Variants in TBC1D4 observed in about 807,000 individuals in gnomAD.
TBC1D4 encodes TBC1 domain family member 4, also known as TBC (Tre-2, BUB2, CDC16) domain-containing protein.
In TBC1D4, 121 loss-of-function variants were observed where a neutral mutation model predicts 142.5. The observed-to-expected ratio is 0.85, with a 90% CI of 0.73 to 0.99. TBC1D4 has a LOEUF of 0.99. TBC1D4 is among the 50% of genes least tolerant of loss of function. The probability of loss-of-function intolerance (pLI) is 0.00; values close to 1 mark genes in which losing one functional copy is unlikely to be tolerated. For synonymous variants in TBC1D4, 630 were observed against 628.2 expected (o/e 1.00, Z -0.04); for missense variants, 1,475 against 1,606.6 (o/e 0.92, Z 1.40).
At chr13:75,472,106 C>CAAAAA (rs59823952) in intron 1 of TBC1D4, among the ~76,000 whole-genome samples, 1 of 121,958 alleles carries the variant, frequency 8.2e-6, no homozygotes, top group African/African-American at 3.5e-5. Flanking sequence ...GACTCTGTCT[C>CAAAAA]AAAAAAAAAA....
At chr13:75,300,724 A>G (rs1593881359) in intron 16 of TBC1D4, among the ~76,000 whole-genome samples, 1 of 152,302 alleles carries the variant, frequency 6.6e-6, no homozygotes, top group South Asian at 2.1e-4. Context: ...TTCTAGCTCC[A>G]TTTTTGTCTG....
At chr13:75,307,152 G>C (rs957802650) in intron 14 of TBC1D4, among the ~76,000 whole-genome samples, 2 of 151,958 alleles carry the variant, frequency 1.3e-5, no homozygotes, top group African/African-American at 4.8e-5. Flanking sequence ...TGTAAAGATG[G>C]GGTCTTGCTA....
intron 1 of TBC1D4, among the ~76,000 whole-genome samples, chr13:75,383,040 G>A (rs545729731): frequency 9.9e-5 from 15 of 152,218 alleles, no homozygotes; most frequent in South Asian, 4.1e-4. Context: ...GCCTATCTTC[G>A]GTCGAGCACA....
chr13:75,347,642 T>C, intron 5 of TBC1D4, among the ~76,000 whole-genome samples: 1 of 152,206 alleles, frequency 6.6e-6, no homozygotes, highest in East Asian at 1.9e-4. Context: ...GCAGGATGAA[T>C]ATAAGCAATC....
intron 17 of TBC1D4, among the ~76,000 whole-genome samples, chr13:75,296,346 C>A (rs941404345): frequency 3.3e-5 from 5 of 151,804 alleles, no homozygotes; most frequent in African/African-American, 1.2e-4. Flanking sequence ...GCACAAAAAT[C>A]AAAAAAGTCT....
At chr13:75,421,440 G>A (rs1886164065) in intron 1 of TBC1D4, among the ~76,000 whole-genome samples, 1 of 152,152 alleles carries the variant, frequency 6.6e-6, no homozygotes. Flanking sequence ...CCCCTGATGG[G>A]AGAGACTCCT....
intron 1 of TBC1D4, among the ~76,000 whole-genome samples, chr13:75,435,818 G>C (rs952417796): frequency 4.6e-5 from 7 of 152,182 alleles, no homozygotes; most frequent in African/African-American, 1.4e-4. Context: ...ATGGGAAGAA[G>C]ATACAGAAGT....
At chr13:75,332,390 C>G (rs549965745) in intron 8 of TBC1D4, among the ~76,000 whole-genome samples, 4 of 152,154 alleles carry the variant, frequency 2.6e-5, no homozygotes, top group Non-Finnish European at 5.9e-5. Flanking sequence ...AATATAAAAT[C>G]GGCTAGGGCC....
At chr13:75,290,265 T>C (rs760771242) in intron 19 of TBC1D4, among the ~76,000 whole-genome samples, 1 of 152,144 alleles carries the variant, frequency 6.6e-6, no homozygotes, top group Non-Finnish European at 1.5e-5. Context: ...GTTACTTTTA[T>C]TTTCTTGTGA....
chr13:75,300,222 GT>G (rs1876388693), intron 16 of TBC1D4, among the ~76,000 whole-genome samples: 1 of 151,940 alleles, frequency 6.6e-6, no homozygotes, highest in South Asian at 2.1e-4. Context: ...AAAATAAAGG[GT>G]CAAGTCAATT....
chr13:75,333,256 C>G (rs1199860216), intron 8 of TBC1D4, among the ~76,000 whole-genome samples: 1 of 152,214 alleles, frequency 6.6e-6, no homozygotes, highest in Non-Finnish European at 1.5e-5. Flanking sequence ...TACCACCCAA[C>G]CAGTCTTACT....
chr13:75,365,854 G>A (rs2138188827), intron 1 of TBC1D4, among the ~76,000 whole-genome samples: 1 of 152,224 alleles, frequency 6.6e-6, no homozygotes, highest in Admixed American at 6.5e-5. Flanking sequence ...AGCAAACAGA[G>A]TCATATATAT....
At chr13:75,428,809 T>C (rs1293376918) in intron 1 of TBC1D4, among the ~76,000 whole-genome samples, 2 of 152,124 alleles carry the variant, frequency 1.3e-5, no homozygotes, top group Non-Finnish European at 2.9e-5. Flanking sequence ...GTGAAGTAAA[T>C]AGGAGAATGC....
At chr13:75,318,138 A>G (rs1878466275) in intron 12 of TBC1D4, among the ~76,000 whole-genome samples, 1 of 152,248 alleles carries the variant, frequency 6.6e-6, no homozygotes, top group South Asian at 2.1e-4. Flanking sequence ...GAGATGCTCT[A>G]ATGACCACTC....
At position 75,349,316 on chromosome 13, in the gene TBC1D4, C is replaced by A; in HGVS notation, c.1276-14G>T. On this transcript the variant is annotated splice_polypyrimidine_tract_variant and intron_variant, in intron 4 of 20. Transcript: ENST00000377636. The stretch of plus-strand genomic sequence containing the variant: ...TACCTCATCAACCTACAGGAAGAAA[C>A]AAAACTCAGGTCTATAAAAGTTGGC... 1 of 1,613,564 alleles carries A rather than the reference C, an allele frequency of 6.2e-7. No individual in the cohort carries two copies.
intron 1 of TBC1D4, among the ~76,000 whole-genome samples, chr13:75,418,252 G>A (rs1348039498): frequency 6.6e-6 from 1 of 152,138 alleles, no homozygotes; most frequent in South Asian, 2.1e-4. Context: ...AGTATGCCAT[G>A]GTATTTATTC....
chr13:75,323,346 T>C (rs1256317788), intron 11 of TBC1D4, among the ~76,000 whole-genome samples: 2 of 152,064 alleles, frequency 1.3e-5, no homozygotes, highest in Non-Finnish European at 2.9e-5. Context: ...TAAGTCAAGC[T>C]ATACACAAAA....
chr13:75,431,269 C>G (rs778888381), intron 1 of TBC1D4, among the ~76,000 whole-genome samples: 1 of 152,158 alleles, frequency 6.6e-6, no homozygotes, highest in Non-Finnish European at 1.5e-5. Context: ...AATTTTCATT[C>G]TGAAGAACTT....
chr13:75,392,873 T>C (rs1185451765), intron 1 of TBC1D4, among the ~76,000 whole-genome samples: 2 of 152,030 alleles, frequency 1.3e-5, no homozygotes, highest in Non-Finnish European at 2.9e-5. Context: ...CTCCTAGCCT[T>C]AAGTGATCCT....
Sources: gnomAD v4.1 joint callset for allele counts (sites outside exome capture counted in the v4.1 genomes callset) on GRCh38, gnomAD v4.1.1 for gene constraint, MANE v1.5 for transcripts, NCBI Gene and HGNC (gene_info 2026-07-23, HGNC 2026-07-21) for gene names.